TNNI3K: variants seen among roughly 807,000 people sequenced by gnomAD.
TNNI3K encodes TNNI3 interacting kinase.
TNNI3K carries 140 observed loss-of-function variants against 114.5 expected under a neutral mutation model. The observed-to-expected ratio is 1.22, with a 90% CI of 1.07 to 1.41. TNNI3K has a LOEUF of 1.41. Ranked by LOEUF, TNNI3K falls within the 40% of genes most tolerant of loss-of-function variation. TNNI3K has a pLI of 0.00. For synonymous variants in TNNI3K, 347 were observed against 347.5 expected (o/e 1.00, Z 0.02); for missense variants, 1,125 against 1,007.6 (o/e 1.12, Z -1.58).
At chr1:74,451,682 CTTTTCTTT>C (rs1667011634) in intron 20 of TNNI3K, among the ~76,000 whole-genome samples, 1 of 21,952 alleles carries the variant, frequency 4.6e-5, no homozygotes, top group Non-Finnish European at 8.8e-5. Flanking sequence ...CTTTTCTTTT[CTTTTCTTT>C]CTTTCTTTCT....
chr1:74,506,269 G>A lies in TNNI3K; in HGVS notation c.2351+14003G>A, dbSNP rs368388299. On this transcript the variant is annotated intron_variant, in intron 23 of 24. Coordinates refer to ENST00000326637, the MANE Select transcript of TNNI3K (RefSeq NM_015978.3). ...ATTGTGCATTTTTTGTATGCCTGTC[G>A]TAGCACAGACTTATTACAACTCTTC... Among the ~76,000 whole-genome samples the A allele has an allele frequency of 9.8e-4, 149 of 152,248 alleles. 1 individual carries two copies. The highest frequency in any genetic ancestry group is 3.2e-3 in the African/African-American group (132 of 41,540).
At chr1:74,256,283 C>CTTTTTTTTTTTTTTTT (rs61636791) in intron 4 of TNNI3K, among the ~76,000 whole-genome samples, 19 of 42,802 alleles carry the variant, frequency 4.4e-4, no homozygotes, top group East Asian at 7.9e-4. Context: ...TGTGGTCAGT[C>CTTTTTTTTTTTTTTTT]TTTTTTTTTT....
At chr1:74,388,850 C>T (rs571481221) in intron 17 of TNNI3K, among the ~76,000 whole-genome samples, 1 of 152,196 alleles carries the variant, frequency 6.6e-6, no homozygotes, top group African/African-American at 2.4e-5. Context: ...TGTCTCCCCA[C>T]CTCCAGGTTT....
intron 1 of TNNI3K, 45 bp from the exon 2 acceptor site, chr1:74,236,057 G>C: frequency 6.6e-7 from 1 of 1,515,034 alleles, no homozygotes; most frequent in African/African-American, 1.4e-5. Flanking sequence ...TCTACATTTT[G>C]CAAAACACAA....
chr1:74,361,835 C>A (rs1214894123), intron 11 of TNNI3K, among the ~76,000 whole-genome samples: 1 of 151,786 alleles, frequency 6.6e-6, no homozygotes, highest in Non-Finnish European at 1.5e-5. Context: ...GAAAGGAAAG[C>A]AGAATGAGAA....
chr1:74,506,057 A>G (rs1669881439), intron 23 of TNNI3K, among the ~76,000 whole-genome samples: 1 of 152,178 alleles, frequency 6.6e-6, no homozygotes. Context: ...TATGCCACTA[A>G]GTGTCACCAG....
intron 17 of TNNI3K, among the ~76,000 whole-genome samples, chr1:74,411,452 T>C (rs1416358448): frequency 1.3e-5 from 2 of 152,066 alleles, no homozygotes; most frequent in African/African-American, 4.8e-5. Context: ...CCAAAAGGGG[T>C]CTAACACATA....
At chr1:74,256,283 C>CTTTTTTTTTTTTT (rs61636791) in intron 4 of TNNI3K, among the ~76,000 whole-genome samples, 58 of 42,798 alleles carry the variant, frequency 1.4e-3, no homozygotes, top group Non-Finnish European at 1.9e-3. Flanking sequence ...TGTGGTCAGT[C>CTTTTTTTTTTTTT]TTTTTTTTTT....
chr1:74,471,344 C>A (rs954207157), intron 21 of TNNI3K: 2 of 400,572 alleles, frequency 5.0e-6, no homozygotes, highest in African/African-American at 4.1e-5. Flanking sequence ...TTTATTTTGG[C>A]TTCTGTCTCA....
At chr1:74,302,958 G>C (rs949809764) in intron 5 of TNNI3K, among the ~76,000 whole-genome samples, 7 of 152,188 alleles carry the variant, frequency 4.6e-5, no homozygotes, top group African/African-American at 1.7e-4. Context: ...AGGACTTTCA[G>C]GCTAGAAAGG....
chr1:74,486,841 A>G (rs1244495828), intron 21 of TNNI3K, among the ~76,000 whole-genome samples: 1 of 152,174 alleles, frequency 6.6e-6, no homozygotes, highest in Non-Finnish European at 1.5e-5. Flanking sequence ...CTCAAAGCCA[A>G]TTGAAAAACA....
At chr1:74,461,547 G>A (rs988101225) in intron 20 of TNNI3K, among the ~76,000 whole-genome samples, 1 of 149,800 alleles carries the variant, frequency 6.7e-6, no homozygotes, top group African/African-American at 2.4e-5. Context: ...TTGTGACACA[G>A]AAGACACATT....
chr1:74,437,247 A>G (rs1666176239), intron 19 of TNNI3K, among the ~76,000 whole-genome samples: 2 of 152,120 alleles, frequency 1.3e-5, no homozygotes, highest in South Asian at 4.2e-4. Context: ...CTGCTGCTTC[A>G]GTTCAGATTC....
intron 20 of TNNI3K, among the ~76,000 whole-genome samples, chr1:74,440,771 G>C (rs1176773595): frequency 1.3e-5 from 2 of 152,086 alleles, no homozygotes; most frequent in Non-Finnish European, 2.9e-5. Context: ...TCTATTTTGA[G>C]CTGTACCAAC....
intron 17 of TNNI3K, among the ~76,000 whole-genome samples, chr1:74,430,413 G>A (rs58062518): frequency 0.011 from 1,667 of 152,040 alleles, 34 homozygotes; most frequent in African/African-American, 0.038. Context: ...TTCACTTTTG[G>A]TTAAAAGAAA....
intron 17 of TNNI3K, among the ~76,000 whole-genome samples, chr1:74,385,775 T>C (rs922837297): frequency 6.6e-6 from 1 of 152,210 alleles, no homozygotes; most frequent in Non-Finnish European, 1.5e-5. Context: ...ACTTACTTTC[T>C]ATTCTTGTAG....
rs1663390603 is a variant in TNNI3K, at chr1:74,384,828, G to A, written c.1772+14436G>A. Among the ~76,000 whole-genome samples, 4 of 151,984 alleles carry A rather than the reference G, an allele frequency of 2.6e-5. No homozygotes were observed. The South Asian group carries it at 8.3e-4, about 32-fold the overall frequency. On this transcript the variant is annotated intron_variant, in intron 17 of 24. Coordinates refer to ENST00000326637, the MANE Select transcript of TNNI3K (RefSeq NM_015978.3). ...CAATTTTCTTTCATGTTGATGTTCA[G>A]CTTCTTAAATATAGTGATTATTGGT...
intron 23 of TNNI3K, among the ~76,000 whole-genome samples, chr1:74,526,947 A>C (rs181456522): frequency 6.6e-6 from 1 of 152,370 alleles, no homozygotes; most frequent in African/African-American, 2.4e-5. Flanking sequence ...GCACTGAAAC[A>C]GCAGAGTTGA....
At chr1:74,374,990 C>T (rs1475660084) in intron 17 of TNNI3K, 1 of 151,868 alleles carries the variant, frequency 6.6e-6, no homozygotes, top group Non-Finnish European at 1.5e-5. Flanking sequence ...GGATCAAATA[C>T]ATGATATTCT....
Sources: allele counts gnomAD v4.1 joint callset (sites outside exome capture counted in the v4.1 genomes callset), GRCh38; gene constraint gnomAD v4.1.1; transcripts MANE v1.5; gene names NCBI Gene and HGNC (gene_info 2026-07-23, HGNC 2026-07-21).